Variants in OTOG observed in about 807,000 individuals in gnomAD.
OTOG encodes the protein otogelin.
In OTOG, 296 loss-of-function variants were observed where a neutral mutation model predicts 313.8. That is an observed-to-expected ratio of 0.94 (90% CI 0.86 to 1.04). The LOEUF is 1.04. Among genes scored for constraint, OTOG ranks in the 50% least tolerant of loss-of-function variants. The pLI, the probability that OTOG is intolerant of heterozygous loss-of-function variation, is 0.00. For missense variants in OTOG, 3,948 were observed against 3,840.1 expected, an observed-to-expected ratio of 1.03 and a Z score of -0.74; for synonymous variants, 1,533 against 1,554.9, an observed-to-expected ratio of 0.99 and a Z score of 0.33.
Position 17,558,198 on chromosome 11 carries a change from C to A in OTOG, c.879C>A (p.Asp293Glu), listed in dbSNP as rs144220847. ...DLVTSSGKLTDDVVEFVHSWQ... is the reference protein window; with the variant it reads ...DLVTSSGKLTEDVVEFVHSWQ... ...TCCCTCCTCCAGGGAAGCTGACTGACGACGTGGTTGAGTTTGTGCACAGCT... is the reference window on the plus strand; with the variant it reads ...TCCCTCCTCCAGGGAAGCTGACTGAAGACGTGGTTGAGTTTGTGCACAGCT... The change falls in exon 9 of 56, where the codon GAC becomes GAA. Residue 293 changes from aspartate (D) to glutamate (E), a missense_variant. By Grantham distance (45) the Asp-to-Glu change is conservative. Coordinates refer to ENST00000399397, the MANE Select transcript of OTOG (RefSeq NM_001292063.2). 3.9e-6 allele frequency: 6 copies of A among 1,550,580 alleles called. No homozygotes were observed. The East Asian group carries it at 9.8e-5, about 25-fold the overall frequency.
intron 39 of OTOG, among the ~76,000 whole-genome samples, chr11:17,628,658 T>G (rs1336201378): frequency 6.6e-6 from 1 of 152,220 alleles, no homozygotes; most frequent in Non-Finnish European, 1.5e-5. Flanking sequence ...TATCTTGATG[T>G]GGAAACAGAT....
chr11:17,594,056 G>A lies in OTOG; in HGVS notation c.3298G>A (p.Ala1100Thr), dbSNP rs1457020759. 6.4e-7 allele frequency: 1 copy of A among 1,550,556 alleles called. No homozygotes were observed. Among genetic ancestry groups the A allele is most frequent in the Non-Finnish European group, 8.7e-7 (1 of 1,146,988 alleles). Residue 1100 changes from alanine to threonine, a missense_variant, in exon 28 of 56, where the codon GCG becomes ACG. By Grantham distance (58) the Ala-to-Thr change is moderately conservative. Coordinates refer to ENST00000399397, the MANE Select transcript of OTOG (RefSeq NM_001292063.2). The stretch of plus-strand genomic sequence containing the variant: ...TCCTCTCTCCTTTCAGGGCCAGCTG[G>A]CGGGCCTCTGTGGGAACTTTGACTT... ...QAGPQWQGQL[A>T]GLCGNFDLKT...
intron 16 of OTOG, among the ~76,000 whole-genome samples, chr11:17,569,892 C>T (rs1268659515): frequency 6.6e-6 from 1 of 152,204 alleles, no homozygotes; most frequent in Non-Finnish European, 1.5e-5. Flanking sequence ...TGGGTAGTTA[C>T]AGAATCCTCC....
intron 26 of OTOG, 104 bp from the exon 27 acceptor site, chr11:17,593,506 G>A (rs1853002204): frequency 1.4e-6 from 2 of 1,475,054 alleles, no homozygotes; most frequent in Non-Finnish European, 9.1e-7. Flanking sequence ...CAATGTCAGG[G>A]TATGAGGGAG....
chr11:17,626,147 T>C (rs1853979369), intron 39 of OTOG, among the ~76,000 whole-genome samples: 1 of 152,138 alleles, frequency 6.6e-6, no homozygotes, highest in Non-Finnish European at 1.5e-5. Flanking sequence ...TCTATTCTGT[T>C]CCATTAGTCT....
In OTOG at chr11:17,570,324, A is replaced by G; in HGVS notation, c.1889A>G (p.Gln630Arg). Reference protein sequence around the residue: ...EGLRLYLQVDQRWVEDTVGLC... With the variant: ...EGLRLYLQVDRRWVEDTVGLC... ...CTCCGACTGTACCTGCAAGTGGACCAGCGATGGGTGGAGGATACCGTGGGC... is the reference window on the plus strand; with the variant it reads ...CTCCGACTGTACCTGCAAGTGGACCGGCGATGGGTGGAGGATACCGTGGGC... Residue 630 changes from glutamine to arginine, a missense_variant, in exon 17 of 56, where the codon CAG (glutamine) becomes CGG (arginine). Physicochemically the swap from Gln to Arg is conservative, Grantham distance 43 (BLOSUM62 1). Transcript: ENST00000399397. 6.4e-7 allele frequency: 1 copy of G among 1,550,724 alleles called. No homozygotes were observed. Among genetic ancestry groups the G allele is most frequent in the Non-Finnish European group, 8.7e-7 (1 of 1,147,014 alleles).
At position 17,638,526 on chromosome 11, in the gene OTOG, G is replaced by C. The variant is rs890211812; in HGVS notation, c.7871G>C (p.Arg2624Pro). The change falls in exon 48 of 56, where the codon CGC (arginine) becomes CCC (proline). Residue 2624 changes from arginine to proline, a missense_variant. Coordinates refer to ENST00000399397, the MANE Select transcript of OTOG (RefSeq NM_001292063.2). ...CTGGTGGAGGTGTGGAGCCCCGACC[G>C]CTGCTGCCCCTACAAATCCTGTGGT... ...TALVEVWSPD[R>P]CCPYKSCECD... 1 of 1,550,360 alleles carries C rather than the reference G, an allele frequency of 6.5e-7. No homozygotes were observed. Among genetic ancestry groups the C allele is most frequent in the Non-Finnish European group, 8.7e-7 (1 of 1,146,958 alleles).
At position 17,633,228 on chromosome 11, in the gene OTOG, G is replaced by C. The variant is rs185839108; in HGVS notation, c.7073-452G>C. On this transcript the variant is annotated intron_variant, in intron 42 of 55. Coordinates refer to ENST00000399397, the MANE Select transcript of OTOG (RefSeq NM_001292063.2). ...ACCACTGTTCTACATGCTTGTATTA[G>C]GCCACAATGTAAAATCTACTTTTTA... Among the ~76,000 whole-genome samples the C allele has an allele frequency of 4.3e-4, 65 of 152,300 alleles. No homozygotes were observed. In the East Asian group the frequency reaches 0.012, roughly 28 times the overall value.
At chr11:17,599,561 G>A (rs1027905981) in intron 30 of OTOG, 110 bp from the exon 31 acceptor site, 12 of 1,220,036 alleles carry the variant, frequency 9.8e-6, no homozygotes, top group Non-Finnish European at 1.3e-5. Flanking sequence ...GGCAGGCCAG[G>A]CCCAGCACTT....
chr11:17,635,780 C>T, intron 47 of OTOG, 69 bp downstream of exon 47: 4 of 1,290,540 alleles, frequency 3.1e-6, no homozygotes, highest in Non-Finnish European at 4.4e-6. Context: ...CCACCCCGGA[C>T]CAATGGGGGT....
chr11:17,609,008 T>C, intron 34 of OTOG, 122 bp from the exon 35 acceptor site: 4 of 739,090 alleles, frequency 5.4e-6, no homozygotes, highest in Non-Finnish European at 9.1e-6. Flanking sequence ...GTACACGTAA[T>C]AAGCACATGT....
chr11:17,556,528 A>C (rs1031333816), intron 7 of OTOG, among the ~76,000 whole-genome samples: 39 of 152,302 alleles, frequency 2.6e-4, no homozygotes, highest in African/African-American at 8.9e-4. Context: ...TCAGATCTGG[A>C]AACTGGGTGA....
chr11:17,569,377 C>T lies in OTOG; in HGVS notation c.1777+89C>T, dbSNP rs529204427. ...ATCCTCTGGCTAAAAGCACTGCTAC[C>T]CTGGCAAAAACTCATATTCTAGTAC... is the stretch of plus-strand genomic sequence containing the variant. On this transcript the variant is annotated intron_variant, in intron 16 of 55. Transcript: ENST00000399397. 4 of 1,507,958 alleles carry T rather than the reference C, an allele frequency of 2.7e-6. No individual in the cohort carries two copies. The South Asian group carries it at 5.0e-5, about 19-fold the overall frequency. 93.4% of individuals were successfully genotyped at this position (1,507,958 alleles called of 1,614,324 possible).
intron 38 of OTOG, among the ~76,000 whole-genome samples, chr11:17,613,326 GCC>G (rs1853637509): frequency 4.5e-5 from 4 of 89,088 alleles, no homozygotes; most frequent in African/African-American, 1.3e-4. Context: ...TCTCTGCCCT[GCC>G]CTTCCTTCCT....
At chr11:17,551,147 C>T (rs935198989) in intron 3 of OTOG, among the ~76,000 whole-genome samples, 1 of 152,214 alleles carries the variant, frequency 6.6e-6, no homozygotes. Flanking sequence ...ATGCTTGGCA[C>T]AGGGTTCTGG....
rs897822685 is a variant in OTOG at position 17,609,957 on chromosome 11, G to T, written c.4657G>T (p.Gly1553Ter). 7.8e-6 allele frequency: 12 copies of T among 1,542,482 alleles called. No homozygotes were observed. Among genetic ancestry groups the T allele is most frequent in the Middle Eastern group, 1.7e-4 (1 of 5,964 alleles). Reference sequence around the variant, plus strand: ...CCCCACGGAGTCCCCAGCCAGCAAGGGAGTGACTGCCAGCCTCCTGGCCAT... The same window carrying T: ...CCCCACGGAGTCCCCAGCCAGCAAGTGAGTGACTGCCAGCCTCCTGGCCAT... ...AGPTESPASK[G>*]VTASLLAIPH... Residue 1553 changes from glycine to a stop codon, truncating the protein, a stop_gained, in exon 36 of 56, where the codon GGA becomes TGA. Coordinates refer to ENST00000399397, the MANE Select transcript of OTOG (RefSeq NM_001292063.2). LOFTEE classifies it high-confidence loss of function.
intron 45 of OTOG, 31 bp from the exon 46 acceptor site, chr11:17,635,049 T>C: frequency 6.5e-7 from 1 of 1,540,160 alleles, no homozygotes; most frequent in African/African-American, 1.4e-5. Flanking sequence ...CAGGTTCCTC[T>C]CCCAGCACCT....
Position 17,610,061 on chromosome 11 carries a change from G to T in OTOG, c.4761G>T (p.Glu1587Asp). ...CTGGCATGGTGTCAGGTGCCATGGA[G>T]ACAACAAGGGTGACTGTGATCTTTG... ...PTPGMVSGAM[E>D]TTRVTVIFAG... The change falls in exon 36 of 56, where the codon GAG becomes GAT. Residue 1587 changes from glutamate to aspartate, a missense_variant. Coordinates refer to ENST00000399397, the MANE Select transcript of OTOG (RefSeq NM_001292063.2). The T allele has an allele frequency of 6.4e-7, 1 of 1,550,420 alleles. No individual in the cohort carries two copies. Among genetic ancestry groups the T allele is most frequent in the Non-Finnish European group, 8.7e-7 (1 of 1,146,822 alleles).
Position 17,633,864 on chromosome 11 carries a change from G to A in OTOG, c.7257G>A (p.Glu2419=). ...GCCACTCTGCACTCTGCATCCCGGA[G>A]GCCAAGTGCGGTAGGTTCCTCCCCT... ...HRRHSALCIP[E]AKCACTDSMG... is the part of the protein sequence containing the mutation. Residue 2419 remains glutamate, a synonymous_variant, in exon 43 of 56, where the codon GAG becomes GAA. Transcript: ENST00000399397. 1.3e-6 allele frequency: 2 copies of A among 1,537,000 alleles called. No individual in the cohort carries two copies. The highest frequency in any genetic ancestry group is 1.8e-6 in the Non-Finnish European group (2 of 1,140,776).
Sources: gnomAD v4.1 joint callset for allele counts (sites outside exome capture counted in the v4.1 genomes callset) on GRCh38, gnomAD v4.1.1 for gene constraint, MANE v1.5 for transcripts, NCBI Gene and HGNC (gene_info 2026-07-23, HGNC 2026-07-21) for gene names.